Variants in KDM2B observed in about 807,000 individuals in gnomAD.
The protein encoded by KDM2B is lysine demethylase 2B, also known as lysine-specific demethylase 2B.
In KDM2B, 26 loss-of-function variants were observed where a neutral mutation model predicts 150.0. The ratio of observed to expected loss-of-function variants is 0.17; its 90% CI spans 0.13 to 0.24. The LOEUF (loss-of-function observed/expected upper bound fraction) is 0.24, where lower values mean the gene tolerates loss of function less well. Ranked by LOEUF, KDM2B falls within the 10% of genes least tolerant of loss-of-function variation. The pLI is 1.00. For missense variants in KDM2B, 1,265 were observed against 1,816.9 expected, an observed-to-expected ratio of 0.70 and a Z score of 5.52; for synonymous variants, 734 against 729.5, an observed-to-expected ratio of 1.01 and a Z score of -0.10.
At chr12:121,428,782 C>T (rs782756720), downstream of KDM2B, among the ~76,000 whole-genome samples, 6 of 152,232 alleles carry the variant, frequency 3.9e-5, no homozygotes, top group Non-Finnish European at 8.8e-5. Flanking sequence ...TTCCTACAGC[C>T]ACCATGGCCC....
rs782218993 is a variant in KDM2B, at chr12:121,430,212, G to A, written c.*76C>T. On this transcript the variant is annotated 3_prime_UTR_variant, in exon 23 of 23. Coordinates refer to ENST00000377071, the MANE Select transcript of KDM2B (RefSeq NM_032590.5). This position sits in a 1 kb window ranked among gnomAD's most constrained non-coding sequence, Gnocchi z 4.4. ...GGTCTGTTGTCCCACGTTCCAAATG[G>A]AAAATAAAAGCCCTCATTTTTGTAA... is the stretch of plus-strand genomic sequence containing the variant. 1.2e-6 allele frequency: 2 copies of A among 1,614,118 alleles called. No homozygotes were observed. The highest frequency in any genetic ancestry group is 1.1e-5 in the South Asian group (1 of 91,076).
intron 14 of KDM2B, 66 bp downstream of exon 14, chr12:121,445,209 C>T: frequency 6.4e-7 from 1 of 1,562,004 alleles, no homozygotes; most frequent in Admixed American, 1.7e-5. Context: ...ACCATCTCAC[C>T]AGCATCTCCA....
intron 12 of KDM2B, among the ~76,000 whole-genome samples, chr12:121,478,736 G>A (rs1222734727): frequency 2.0e-5 from 3 of 151,720 alleles, no homozygotes; most frequent in African/African-American, 7.3e-5. Flanking sequence ...TGCCCAGGCT[G>A]GAAGGCAGTG....
chr12:121,556,163 G>A lies in KDM2B; in HGVS notation c.398-6525C>T, dbSNP rs577629501. ...GCTGGTCTTGAACTCCTGACATTGT[G>A]ATCTGCCCTCCTCAGCCTCCCAAAA... On this transcript the variant is annotated intron_variant, in intron 4 of 22. Coordinates refer to ENST00000377071, the MANE Select transcript of KDM2B (RefSeq NM_032590.5). Among the ~76,000 whole-genome samples, 6 of 152,158 alleles carry A rather than the reference G, an allele frequency of 3.9e-5. No individual in the cohort carries two copies. In the East Asian group the frequency reaches 1.2e-3, roughly 29 times the overall value.
intron 12 of KDM2B, among the ~76,000 whole-genome samples, chr12:121,477,965 A>G (rs1881579934): frequency 1.3e-5 from 2 of 150,610 alleles, no homozygotes; most frequent in Admixed American, 1.3e-4. Flanking sequence ...CTGGTCTTGA[A>G]CTCCTGAGCT....
Position 121,429,814 on chromosome 12 carries a change from A to T in KDM2B, c.*474T>A. On this transcript the variant is annotated 3_prime_UTR_variant, in exon 23 of 23. Coordinates refer to ENST00000377071, the MANE Select transcript of KDM2B (RefSeq NM_032590.5). ...ATAACTTTTAAACAATTTGTACAAA[A>T]ATAGTTCTGCATAATGTAAGATGTA... 1 of 544,538 alleles carries T rather than the reference A, an allele frequency of 1.8e-6. No individual in the cohort carries two copies. Among genetic ancestry groups the T allele is most frequent in the Non-Finnish European group, 3.2e-6 (1 of 309,846 alleles). The allele number at this position is 544,538 out of a possible 1,614,324, so 33.7% of individuals were successfully genotyped here.
At chr12:121,525,123 G>C (rs1555306588) in intron 8 of KDM2B, among the ~76,000 whole-genome samples, 1 of 152,112 alleles carries the variant, frequency 6.6e-6, no homozygotes, top group African/African-American at 2.4e-5. Flanking sequence ...CCCTGCGCCG[G>C]GCCAGGATCA....
chr12:121,564,254 G>A (rs1469324620), intron 4 of KDM2B, among the ~76,000 whole-genome samples: 1 of 151,930 alleles, frequency 6.6e-6, no homozygotes, highest in African/African-American at 2.4e-5. Flanking sequence ...TCAGGAGATC[G>A]AGACCATCCC....
intron 12 of KDM2B, among the ~76,000 whole-genome samples, chr12:121,479,018 A>G (rs1480638250): frequency 2.0e-5 from 3 of 151,988 alleles, no homozygotes; most frequent in Non-Finnish European, 4.4e-5. Flanking sequence ...CACTGGCCTC[A>G]GGCTGTGATC....
Position 121,467,353 on chromosome 12 carries a change from C to T in KDM2B, c.1735-14009G>A. On this transcript the variant is annotated intron_variant, in intron 12 of 22. Coordinates refer to ENST00000377071, the MANE Select transcript of KDM2B (RefSeq NM_032590.5). The surrounding 1 kb of genome is among the most constrained non-coding windows in gnomAD (Gnocchi z 5.1). ...TCCCGCTGCCGCGAGGAGGGAGCCG[C>T]GCCGCGCGCCTCGCACGCCCGCGCT... 2.0e-6 allele frequency: 2 copies of T among 981,350 alleles called. No individual in the cohort carries two copies. The highest frequency in any genetic ancestry group is 4.5e-5 in the South Asian group (1 of 21,986). 60.8% of individuals were successfully genotyped at this position (981,350 alleles called of 1,614,324 possible). A position where few individuals can be genotyped will look rare whatever the true frequency, so the allele number is the denominator to read the frequency against.
chr12:121,580,744 C>T, intron 1 of KDM2B, 42 bp downstream of exon 1: 1 of 1,608,126 alleles, frequency 6.2e-7, no homozygotes, highest in Non-Finnish European at 8.5e-7. Flanking sequence ...CCCAGGGCTA[C>T]CCCTCTTCCT....
chr12:121,431,035 C>G (rs894081707), intron 22 of KDM2B, among the ~76,000 whole-genome samples: 1 of 152,192 alleles, frequency 6.6e-6, no homozygotes, highest in Non-Finnish European at 1.5e-5. Flanking sequence ...AACTCCAGGA[C>G]TGACCGTGTG....
At chr12:121,418,446 T>C in the KDM2B span, 1 of 153,310 alleles carries the variant, frequency 6.5e-6, no homozygotes, top group East Asian at 1.9e-4. Flanking sequence ...TTGAATAACA[T>C]GTAAAGGCTT....
At chr12:121,538,525 T>C (rs984090590) in intron 6 of KDM2B, among the ~76,000 whole-genome samples, 3 of 152,156 alleles carry the variant, frequency 2.0e-5, no homozygotes, top group Non-Finnish European at 4.4e-5. Flanking sequence ...TTCTAAGATG[T>C]TCTTTTACCA....
the KDM2B span, among the ~76,000 whole-genome samples, chr12:121,415,948 CAA>C: frequency 3.5e-5 from 5 of 144,248 alleles, no homozygotes; most frequent in East Asian, 2.1e-4. Context: ...TTTTGTTAAA[CAA>C]GAGATCATGG....
Position 121,580,813 on chromosome 12 carries a change from T to C in KDM2B, c.99A>G (p.Lys33=). Residue 33 remains lysine (K), a synonymous_variant, in exon 1 of 23, where the codon AAA becomes AAG. Coordinates refer to ENST00000377071, the MANE Select transcript of KDM2B (RefSeq NM_032590.5). ...KQKKKTVIYT[K]CFEFESATQR... ...GTGTGGCCGACTCAAATTCAAAGCATTTTGTATATATAACTGTTTTCTTTT... is the reference window on the plus strand; with the variant it reads ...GTGTGGCCGACTCAAATTCAAAGCACTTTGTATATATAACTGTTTTCTTTT... 6.2e-7 allele frequency: 1 copy of C among 1,613,062 alleles called. No homozygotes were observed. Among genetic ancestry groups the C allele is most frequent in the Non-Finnish European group, 8.5e-7 (1 of 1,179,386 alleles).
chr12:121,415,840 CTTTTTTTTT>C, the KDM2B span, among the ~76,000 whole-genome samples: 1 of 108,096 alleles, frequency 9.3e-6, no homozygotes. Context: ...TTTGTCCAGT[CTTTTTTTTT>C]TTTTTTTTTT....
At chr12:121,548,748 A>C (rs535463264) in intron 6 of KDM2B, 129 bp downstream of exon 6, 1 of 695,680 alleles carries the variant, frequency 1.4e-6, no homozygotes, top group Non-Finnish European at 2.6e-6. Flanking sequence ...ACAGTCCTTC[A>C]GTTCTGAACG....
chr12:121,506,143 G>A (rs539207933), intron 11 of KDM2B, among the ~76,000 whole-genome samples: 44 of 152,052 alleles, frequency 2.9e-4, no homozygotes, highest in African/African-American at 1.1e-3. Context: ...TTGAGCAGCT[G>A]GGGCTACAGG....
Sources: allele counts gnomAD v4.1 joint callset (sites outside exome capture counted in the v4.1 genomes callset), GRCh38; gene constraint gnomAD v4.1.1; non-coding constraint Gnocchi (gnomAD v3.1); transcripts MANE v1.5; gene names NCBI Gene and HGNC (gene_info 2026-07-23, HGNC 2026-07-21).